Variants in GPC6 observed in about 807,000 individuals in gnomAD.
GPC6 encodes glypican-6.
Under a neutral mutation model 55.2 loss-of-function variants are expected in GPC6, and 14 were observed. The observed-to-expected ratio is 0.25, with a 90% CI of 0.17 to 0.40. GPC6 has a LOEUF of 0.40. Among genes scored for constraint, GPC6 ranks in the 10% least tolerant of loss-of-function variants. The pLI is 1.00. For synonymous variants in GPC6, 278 were observed against 259.6 expected, an observed-to-expected ratio of 1.07 and a Z score of -0.68; for missense variants, 641 against 708.5, an observed-to-expected ratio of 0.90 and a Z score of 1.08.
chr13:94,350,331 GTC>G (rs1878480707), intron 6 of GPC6, among the ~76,000 whole-genome samples: 1 of 152,148 alleles, frequency 6.6e-6, no homozygotes, highest in African/African-American at 2.4e-5. Context: ...CTTCATCAGA[GTC>G]TCTGTGGTCC....
rs1035633925 is a variant in GPC6, at chr13:93,426,507, G to C, written c.161-118756G>C. On this transcript the variant is annotated intron_variant, in intron 1 of 8. Transcript: ENST00000377047. ...CAGTGTTTGGTTTTTTTGTTCTTGC[G>C]ATAGTTTACTGAGAAGGATGATTTC... 1.4e-4 allele frequency among the ~76,000 whole-genome samples: 21 copies of C among 149,454 alleles called. 1 individual carries two copies. The highest frequency in any genetic ancestry group is 2.5e-4 in the Non-Finnish European group (17 of 67,532).
rs546238728 is a variant in GPC6 at position 94,083,310 on chromosome 13, G to A, written c.877+55416G>A. Among the ~76,000 whole-genome samples, 77 of 152,158 alleles carry A rather than the reference G, an allele frequency of 5.1e-4. 1 individual carries two copies. The South Asian group carries it at 0.015, about 30-fold the overall frequency. Reference sequence around the variant, plus strand: ...ATTTTTTGTATTTTAAATAGAGATGGGGTTTCACCGTGTTAGCCAGGATGG... The same window carrying A: ...ATTTTTTGTATTTTAAATAGAGATGAGGTTTCACCGTGTTAGCCAGGATGG... On this transcript the variant is annotated intron_variant, in intron 4 of 8. Coordinates refer to ENST00000377047, the MANE Select transcript of GPC6 (RefSeq NM_005708.5).
intron 2 of GPC6, among the ~76,000 whole-genome samples, chr13:93,773,034 A>G (rs984386366): frequency 7.2e-5 from 11 of 152,166 alleles, no homozygotes; most frequent in Non-Finnish European, 1.5e-4. Context: ...TCCAATATAT[A>G]GTAGGTTATG....
intron 2 of GPC6, among the ~76,000 whole-genome samples, chr13:93,780,632 A>AC (rs1566531567): frequency 9.5e-4 from 124 of 130,748 alleles, no homozygotes; most frequent in African/African-American, 3.0e-3. Context: ...CACACACACA[A>AC]AATAAAATTT....
At chr13:93,765,310 T>TAAGCTGACTGGAAAGACAAC (rs1361108806) in intron 2 of GPC6, among the ~76,000 whole-genome samples, 1 of 38,418 alleles carries the variant, frequency 2.6e-5, no homozygotes. Flanking sequence ...AGACAACTTA[T>TAAGCTGACTGGAAAGACAAC]TTGGTTTAAG....
chr13:93,998,071 T>C (rs1566640853), intron 3 of GPC6, among the ~76,000 whole-genome samples: 1 of 152,190 alleles, frequency 6.6e-6, no homozygotes, highest in Non-Finnish European at 1.5e-5. Context: ...TCGAAAGCAC[T>C]TATTTATAGA....
rs1338669536 is a variant in GPC6, at chr13:93,276,483, AGAGAGAGAGAGAGTGTGTGTGT to A, written c.160+48869_160+48890del. Among the ~76,000 whole-genome samples, 27 of 134,170 alleles carry A rather than the reference AGAGAGAGAGAGAGTGTGTGTGT, an allele frequency of 2.0e-4. No homozygotes were observed. The Middle Eastern group carries it at 0.019, about 92-fold the overall frequency. The allele number at this position is 134,170 out of a possible 152,430, so 88.0% of individuals were successfully genotyped here. On this transcript the variant is annotated intron_variant, in intron 1 of 8. Transcript: ENST00000377047. ...CAGAGAGAGAGAGAGAGAGAGAGAG[AGAGAGAGAGAGAGTGTGTGTGT>A]GTGTGTGTGTGTGTGTGTGTGTATG...
At chr13:93,413,665 C>T (rs867932583) in intron 1 of GPC6, among the ~76,000 whole-genome samples, 2 of 151,098 alleles carry the variant, frequency 1.3e-5, no homozygotes, top group East Asian at 1.9e-4. Context: ...ATGCTATGAT[C>T]CTGATAGTAT....
intron 2 of GPC6, among the ~76,000 whole-genome samples, chr13:93,678,787 G>A (rs1313994264): frequency 1.3e-5 from 2 of 152,146 alleles, no homozygotes; most frequent in African/African-American, 2.4e-5. Context: ...ACGGAGCTCA[G>A]TGGGAAGCTA....
intron 6 of GPC6, among the ~76,000 whole-genome samples, chr13:94,369,985 G>C (rs990892454): frequency 2.6e-5 from 4 of 152,206 alleles, no homozygotes; most frequent in Non-Finnish European, 2.9e-5. Context: ...TATTTATGAA[G>C]CACTGGTACA....
At chr13:93,467,341 C>G (rs1390120411) in intron 1 of GPC6, among the ~76,000 whole-genome samples, 1 of 152,014 alleles carries the variant, frequency 6.6e-6, no homozygotes, top group African/African-American at 2.4e-5. Flanking sequence ...TGTTGTGATT[C>G]CTGAGTATGG....
Position 93,379,224 on chromosome 13 carries a change from C to T in GPC6, c.160+151608C>T, listed in dbSNP as rs889337752. Among the ~76,000 whole-genome samples the T allele has an allele frequency of 3.3e-5, 5 of 152,040 alleles. No homozygotes were observed. The South Asian group carries it at 1.0e-3, about 32-fold the overall frequency. ...CCCAGACTATATGTACATAATTTTCCATTTATCCCAGGACCTATATAGTGA... is the reference window on the plus strand; with the variant it reads ...CCCAGACTATATGTACATAATTTTCTATTTATCCCAGGACCTATATAGTGA... On this transcript the variant is annotated intron_variant, in intron 1 of 8. Transcript: ENST00000377047.
At chr13:93,958,607 A>G (rs1001852149) in intron 3 of GPC6, among the ~76,000 whole-genome samples, 4 of 152,184 alleles carry the variant, frequency 2.6e-5, no homozygotes, top group African/African-American at 4.8e-5. Flanking sequence ...GCCTTATAGT[A>G]TAGTTCAAAG....
At chr13:93,971,709 G>A (rs1039268352) in intron 3 of GPC6, among the ~76,000 whole-genome samples, 1 of 152,204 alleles carries the variant, frequency 6.6e-6, no homozygotes, top group Non-Finnish European at 1.5e-5. Flanking sequence ...CATGTAGCCA[G>A]TGTGGCTTTT....
At chr13:93,889,578 A>G (rs1204529791) in intron 3 of GPC6, among the ~76,000 whole-genome samples, 2 of 152,182 alleles carry the variant, frequency 1.3e-5, no homozygotes, top group African/African-American at 4.8e-5. Context: ...ACTAGGTATC[A>G]CTAAGATTAC....
chr13:94,218,561 A>C (rs1446790875), intron 4 of GPC6, among the ~76,000 whole-genome samples: 1 of 152,170 alleles, frequency 6.6e-6, no homozygotes, highest in Non-Finnish European at 1.5e-5. Context: ...TGTTTTTTAC[A>C]GAGTTTGCAA....
At chr13:93,377,783 T>C (rs1874981538) in intron 1 of GPC6, among the ~76,000 whole-genome samples, 1 of 152,218 alleles carries the variant, frequency 6.6e-6, no homozygotes, top group East Asian at 1.9e-4. Flanking sequence ...AATGCTTATG[T>C]TATAGAAAAG....
rs112204544 is a variant in GPC6 at position 93,507,271 on chromosome 13, A to C, written c.161-37992A>C. ...TCAGACTTAATAGATCACATCGAGA[A>C]GACTGGACTAGAGCCCACCTTCTCT... On this transcript the variant is annotated intron_variant, in intron 1 of 8. Transcript: ENST00000377047. Among the ~76,000 whole-genome samples the C allele has an allele frequency of 2.4e-3, 365 of 152,256 alleles. 2 individuals carry two copies. The highest frequency in any genetic ancestry group is 7.2e-3 in the Admixed American group (110 of 15,292).
chr13:93,656,100 CTG>C (rs1233028191), intron 2 of GPC6, among the ~76,000 whole-genome samples: 11 of 152,114 alleles, frequency 7.2e-5, no homozygotes, highest in African/African-American at 2.4e-4. Flanking sequence ...ATAAGGAAAA[CTG>C]GAATTATAGC....
Sources: allele counts gnomAD v4.1 joint callset (sites outside exome capture counted in the v4.1 genomes callset), GRCh38; gene constraint gnomAD v4.1.1; transcripts MANE v1.5; gene names NCBI Gene and HGNC (gene_info 2026-07-23, HGNC 2026-07-21).